Variants in RYR3 observed in about 807,000 individuals in gnomAD.
RYR3 encodes ryanodine receptor 3.
Under a neutral mutation model 584.3 loss-of-function variants are expected in RYR3, and 207 were observed. The ratio of observed to expected loss-of-function variants is 0.35; its 90% CI spans 0.32 to 0.40. The LOEUF (loss-of-function observed/expected upper bound fraction) is 0.40. Among genes scored for constraint, RYR3 ranks in the 10% least tolerant of loss-of-function variants. RYR3 has a pLI of 1.00. For synonymous variants in RYR3, 2,416 were observed against 2,248.5 expected (o/e 1.07, Z -2.11); for missense variants, 5,616 against 6,089.2 (o/e 0.92, Z 2.59).
chr15:33,764,245 C>A (rs888435741), intron 60 of RYR3, among the ~76,000 whole-genome samples: 1 of 152,056 alleles, frequency 6.6e-6, no homozygotes. Flanking sequence ...TCCTATGCAG[C>A]CATAAAAAAG....
chr15:33,391,542 C>T (rs752396344), intron 1 of RYR3, among the ~76,000 whole-genome samples: 24 of 151,064 alleles, frequency 1.6e-4, no homozygotes, highest in Non-Finnish European at 3.4e-4. Context: ...AGGAGAATGA[C>T]GTGAACCTGG....
intron 67 of RYR3, among the ~76,000 whole-genome samples, chr15:33,798,729 T>C (rs749854920): frequency 2.6e-5 from 4 of 152,334 alleles, no homozygotes; most frequent in African/African-American, 9.6e-5. Flanking sequence ...GGAGAATGAA[T>C]ATTGAGTAGA....
chr15:33,499,092 C>A (rs958135958), intron 2 of RYR3, among the ~76,000 whole-genome samples: 1 of 152,030 alleles, frequency 6.6e-6, no homozygotes, highest in African/African-American at 2.4e-5. Context: ...AGCCCAAACT[C>A]CTCCTTGGCA....
Position 33,600,996 on chromosome 15 carries a change from C to G in RYR3, c.1789-423C>G, listed in dbSNP as rs1014001689. ...ACAGAGGGTCTTTTATCCTTCTGCT[C>G]TGTGTTTTCAGAGCTCAGACAGTGA... is the stretch of plus-strand genomic sequence containing the variant. On this transcript the variant is annotated intron_variant, in intron 16 of 103. Transcript: ENST00000634891. 1.1e-4 allele frequency among the ~76,000 whole-genome samples: 16 copies of G among 152,292 alleles called. No individual in the cohort carries two copies. In the South Asian group the frequency reaches 3.3e-3, roughly 32 times the overall value.
chr15:33,363,880 T>G (rs1975110204), intron 1 of RYR3, among the ~76,000 whole-genome samples: 1 of 152,114 alleles, frequency 6.6e-6, no homozygotes, highest in Admixed American at 6.5e-5. Flanking sequence ...TTTAATTAAT[T>G]TAAATTTAAA....
chr15:33,407,132 T>C (rs1421687292), intron 1 of RYR3, among the ~76,000 whole-genome samples: 2 of 152,178 alleles, frequency 1.3e-5, no homozygotes, highest in Non-Finnish European at 2.9e-5. Context: ...CTAAGCTAGT[T>C]TCCCTCAGCC....
intron 1 of RYR3, among the ~76,000 whole-genome samples, chr15:33,434,292 G>A (rs1384575698): frequency 6.6e-6 from 1 of 152,048 alleles, no homozygotes; most frequent in African/African-American, 2.4e-5. Flanking sequence ...CAGTTACAGC[G>A]TCAGAAGTTT....
At chr15:33,603,560 C>T (rs2059774181) in intron 18 of RYR3, among the ~76,000 whole-genome samples, 196 bp downstream of exon 18, 1 of 152,194 alleles carries the variant, frequency 6.6e-6, no homozygotes. Context: ...TTCCTAGCTA[C>T]ATGGTCTAGT....
intron 1 of RYR3, among the ~76,000 whole-genome samples, chr15:33,443,001 G>GT: frequency 6.6e-6 from 1 of 152,318 alleles, no homozygotes; most frequent in Admixed American, 6.5e-5. Context: ...GCTCACACCT[G>GT]TAATCCCAGC....
At chr15:33,813,719 G>C in intron 74 of RYR3, 140 bp downstream of exon 74, 1 of 669,776 alleles carries the variant, frequency 1.5e-6, no homozygotes, top group East Asian at 2.7e-5. Context: ...AGTCTGCATA[G>C]TATAAGGGCC....
At chr15:33,702,232 A>G (rs1252197789) in intron 42 of RYR3, among the ~76,000 whole-genome samples, 1 of 152,208 alleles carries the variant, frequency 6.6e-6, no homozygotes, top group Non-Finnish European at 1.5e-5. Flanking sequence ...GTCACCGTAG[A>G]GCCAAGAGTG....
intron 25 of RYR3, 88 bp downstream of exon 25, chr15:33,634,821 G>A (rs1406994915): frequency 2.7e-6 from 3 of 1,119,304 alleles, no homozygotes; most frequent in South Asian, 1.3e-5. Flanking sequence ...GGTCTAACTT[G>A]TACTATTGGA....
chr15:33,678,998 A>T (rs1316561823), intron 38 of RYR3, among the ~76,000 whole-genome samples: 1 of 152,216 alleles, frequency 6.6e-6, no homozygotes, highest in Non-Finnish European at 1.5e-5. Flanking sequence ...TTGCATGATG[A>T]ATTCTTCAAA....
chr15:33,748,256 A>G lies in RYR3; in HGVS notation c.8132A>G (p.Asn2711Ser). The G allele has an allele frequency of 6.2e-7, 1 of 1,613,704 alleles. No homozygotes were observed. The highest frequency in any genetic ancestry group is 1.1e-5 in the South Asian group (1 of 91,032). ...AAGCTTCGAAGTGTGTCCCAGGCCAACCAGGTATGACACCACACCCAGAGG... is the reference window on the plus strand; with the variant it reads ...AAGCTTCGAAGTGTGTCCCAGGCCAGCCAGGTATGACACCACACCCAGAGG... Reference protein sequence around the residue: ...NEKLRSVSQANQGNSYSPAPL... With the variant: ...NEKLRSVSQASQGNSYSPAPL... Residue 2711 changes from asparagine to serine, a missense_variant, in exon 54 of 104, where the codon AAC becomes AGC. Transcript: ENST00000634891.
intron 37 of RYR3, 136 bp from the exon 38 acceptor site, chr15:33,670,283 A>G: frequency 2.3e-6 from 2 of 858,224 alleles, no homozygotes; most frequent in Non-Finnish European, 3.7e-6. Context: ...ATTCACGAGA[A>G]TAGTATCTTT....
chr15:33,505,102 G>A (rs1046429177), intron 3 of RYR3, among the ~76,000 whole-genome samples: 2 of 152,244 alleles, frequency 1.3e-5, no homozygotes, highest in Admixed American at 6.5e-5. Flanking sequence ...GTTTGTTCTC[G>A]CTTGAAGTTG....
intron 1 of RYR3, among the ~76,000 whole-genome samples, chr15:33,456,504 C>A (rs934767689): frequency 6.6e-6 from 1 of 152,134 alleles, no homozygotes; most frequent in Non-Finnish European, 1.5e-5. Flanking sequence ...TCTTCCCTTG[C>A]AAAGAGAGCA....
chr15:33,423,201 G>C lies in RYR3; in HGVS notation c.52-50218G>C, dbSNP rs146192835. Among the ~76,000 whole-genome samples, 8 of 152,130 alleles carry C rather than the reference G, an allele frequency of 5.3e-5. No homozygotes were observed. The East Asian group carries it at 1.5e-3, about 29-fold the overall frequency. On this transcript the variant is annotated intron_variant, in intron 1 of 103. Coordinates refer to ENST00000634891, the MANE Select transcript of RYR3 (RefSeq NM_001036.6). ...CCTGGTAATCTCAAATCTACCTTCT[G>C]TGTCTATGGATTTGCCTATTCTAGA...
At chr15:33,531,632 CAT>C (rs748488682) in intron 4 of RYR3, among the ~76,000 whole-genome samples, 14 of 128,394 alleles carry the variant, frequency 1.1e-4, no homozygotes, top group Admixed American at 3.6e-4. Flanking sequence ...TTTGCTGCAG[CAT>C]ATATATATAT....
Sources: allele counts gnomAD v4.1 joint callset (sites outside exome capture counted in the v4.1 genomes callset), GRCh38; gene constraint gnomAD v4.1.1; transcripts MANE v1.5; gene names NCBI Gene and HGNC (gene_info 2026-07-23, HGNC 2026-07-21).